Variants in PREP observed in about 807,000 individuals in gnomAD.
PREP encodes the protein prolyl endopeptidase.
Under a neutral mutation model 87.6 loss-of-function variants are expected in PREP, and 29 were observed. The ratio of observed to expected loss-of-function variants is 0.33; its 90% confidence interval spans 0.25 to 0.45. The LOEUF is 0.45. Ranked by LOEUF, PREP falls within the 20% of genes least tolerant of loss-of-function variation. The pLI is 1.00. For synonymous variants in PREP, 337 were observed against 328.6 expected (o/e 1.03, Z -0.28); for missense variants, 695 against 886.5 (o/e 0.78, Z 2.74).
intron 8 of PREP, among the ~76,000 whole-genome samples, chr6:105,332,775 C>T (rs1158541525): frequency 1.3e-5 from 2 of 152,174 alleles, no homozygotes; most frequent in African/African-American, 4.8e-5. Flanking sequence ...CTGTGAAACA[C>T]GACTGATACG....
intron 5 of PREP, among the ~76,000 whole-genome samples, chr6:105,370,415 C>CT (rs1445151558): frequency 2.6e-5 from 4 of 151,978 alleles, no homozygotes; most frequent in Non-Finnish European, 5.9e-5. Flanking sequence ...AAGAGGAACT[C>CT]TCATTCATTG....
chr6:105,352,711 A>T (rs1771992234), intron 7 of PREP, among the ~76,000 whole-genome samples: 1 of 152,178 alleles, frequency 6.6e-6, no homozygotes, highest in Non-Finnish European at 1.5e-5. Flanking sequence ...CACGCTCTTC[A>T]TGTGCAATAC....
At chr6:105,395,633 T>C (rs911991217) in intron 2 of PREP, among the ~76,000 whole-genome samples, 5 of 152,232 alleles carry the variant, frequency 3.3e-5, no homozygotes, top group Non-Finnish European at 7.3e-5. Context: ...ATTAGCAGTT[T>C]CATCCACTAA....
intron 6 of PREP, among the ~76,000 whole-genome samples, chr6:105,363,936 T>C (rs1772315846): frequency 6.6e-6 from 1 of 152,008 alleles, no homozygotes; most frequent in African/African-American, 2.4e-5. Flanking sequence ...GGGATGTCTC[T>C]GAAAAAAGGA....
chr6:105,316,309 G>A (rs1770866915), intron 10 of PREP, among the ~76,000 whole-genome samples: 1 of 152,214 alleles, frequency 6.6e-6, no homozygotes, highest in African/African-American at 2.4e-5. Flanking sequence ...ACGAGAGGGA[G>A]AGAGATGAGG....
At chr6:105,355,978 A>AT (rs1433819352) in intron 6 of PREP, among the ~76,000 whole-genome samples, 1 of 152,044 alleles carries the variant, frequency 6.6e-6, no homozygotes, top group East Asian at 1.9e-4. Flanking sequence ...TCTAAAAAGT[A>AT]TTTTTTTATG....
At chr6:105,308,065 T>G (rs992900895) in intron 10 of PREP, among the ~76,000 whole-genome samples, 2 of 152,092 alleles carry the variant, frequency 1.3e-5, no homozygotes, top group African/African-American at 4.8e-5. Flanking sequence ...CTTAGACTAA[T>G]GCAGCATTCA....
chr6:105,329,227 A>G (rs940379792), intron 8 of PREP, among the ~76,000 whole-genome samples: 1 of 150,740 alleles, frequency 6.6e-6, no homozygotes, highest in East Asian at 1.9e-4. Flanking sequence ...ATCTCAGCTC[A>G]CTGCAACCTC....
At chr6:105,281,545 C>T in intron 14 of PREP, 2 of 582,842 alleles carry the variant, frequency 3.4e-6, no homozygotes, top group South Asian at 2.9e-5. Flanking sequence ...TCTGCCCTAC[C>T]ACATTTTTTG....
At chr6:105,367,424 G>A (rs1270724732) in intron 6 of PREP, among the ~76,000 whole-genome samples, 3 of 152,090 alleles carry the variant, frequency 2.0e-5, no homozygotes, top group South Asian at 2.1e-4. Flanking sequence ...CATGAAAAAC[G>A]GACAATTGGG....
At chr6:105,311,899 C>G (rs1770767966) in intron 10 of PREP, among the ~76,000 whole-genome samples, 1 of 152,170 alleles carries the variant, frequency 6.6e-6, no homozygotes, top group African/African-American at 2.4e-5. Flanking sequence ...CTTCGTTGCT[C>G]TTATTTCTAA....
chr6:105,383,096 C>T (rs1342915486), intron 2 of PREP, among the ~76,000 whole-genome samples: 1 of 152,052 alleles, frequency 6.6e-6, no homozygotes, highest in Non-Finnish European at 1.5e-5. Context: ...GGCTGTAGGA[C>T]TTAGGGCCAG....
intron 2 of PREP, among the ~76,000 whole-genome samples, chr6:105,384,623 AT>A (rs1772935752): frequency 6.6e-6 from 1 of 152,186 alleles, no homozygotes; most frequent in African/African-American, 2.4e-5. Context: ...CTTTCCATCA[AT>A]TCTAACCCAC....
intron 8 of PREP, among the ~76,000 whole-genome samples, chr6:105,330,271 T>C (rs1771290737): frequency 6.6e-6 from 1 of 152,086 alleles, no homozygotes; most frequent in Non-Finnish European, 1.5e-5. Flanking sequence ...AATGGAAGTC[T>C]ACGGAGGGGA....
rs946422731 is a variant in PREP at position 105,320,880 on chromosome 6, T to C, written c.1317+2785A>G. On this transcript the variant is annotated intron_variant, in intron 10 of 14. Transcript: ENST00000652536. ...TGCTTTCCATTCATCCACAAATCCC[T>C]CTCCAGAGTCTGCTTTTTACAATGG... Among the ~76,000 whole-genome samples the C allele has an allele frequency of 6.6e-5, 10 of 152,140 alleles. 1 individual carries two copies. Among genetic ancestry groups the C allele is most frequent in the Admixed American group, 3.3e-4 (5 of 15,276 alleles).
chr6:105,365,661 G>A (rs1010313637), intron 6 of PREP, among the ~76,000 whole-genome samples: 2 of 152,094 alleles, frequency 1.3e-5, no homozygotes, highest in African/African-American at 4.8e-5. Flanking sequence ...TACCTAGCCA[G>A]CCAGACCTGC....
chr6:105,397,744 T>A, intron 2 of PREP, 109 bp downstream of exon 2: 1 of 858,874 alleles, frequency 1.2e-6, no homozygotes, highest in Non-Finnish European at 1.9e-6. Flanking sequence ...CACCATCCCA[T>A]GGCAGAAAAC....
intron 10 of PREP, chr6:105,322,323 T>C (rs1771032560): frequency 2.2e-6 from 2 of 917,636 alleles, no homozygotes; most frequent in African/African-American, 1.8e-5. Context: ...TTATATTCTA[T>C]TGCCAGATCT....
Position 105,387,558 on chromosome 6 carries a change from G to A in PREP, c.121-10039C>T, listed in dbSNP as rs182586567. Among the ~76,000 whole-genome samples the A allele has an allele frequency of 5.5e-4, 82 of 148,280 alleles. 1 individual carries two copies. Among genetic ancestry groups the A allele is most frequent in the African/African-American group, 1.9e-3 (76 of 39,770 alleles). On this transcript the variant is annotated intron_variant, in intron 2 of 14. Coordinates refer to ENST00000652536, the MANE Select transcript of PREP (RefSeq NM_002726.5). Reference sequence around the variant, plus strand: ...CCTGGGCCACACTGGAAGAAGAATTGTCACAGGCCACACATAAAATACACT... The same window carrying A: ...CCTGGGCCACACTGGAAGAAGAATTATCACAGGCCACACATAAAATACACT...
Sources: allele counts gnomAD v4.1 joint callset (sites outside exome capture counted in the v4.1 genomes callset), GRCh38; gene constraint gnomAD v4.1.1; transcripts MANE v1.5; gene names NCBI Gene and HGNC (gene_info 2026-07-23, HGNC 2026-07-21).